Variants in PNPLA7 observed in about 807,000 individuals in gnomAD.
PNPLA7 encodes patatin-like phospholipase domain-containing protein 7.
Under a neutral mutation model 161.7 loss-of-function variants are expected in PNPLA7, and 153 were observed. The observed-to-expected ratio is 0.95, with a 90% CI of 0.83 to 1.08. The LOEUF (loss-of-function observed/expected upper bound fraction) is 1.08. PNPLA7 is among the 50% of genes least tolerant of loss of function. The pLI is 0.00. For missense variants in PNPLA7, 1,739 were observed against 1,856.6 expected, an observed-to-expected ratio of 0.94 and a Z score of 1.16; for synonymous variants, 809 against 782.1, an observed-to-expected ratio of 1.03 and a Z score of -0.57.
At chr9:137,489,582 C>T (rs925572098) in intron 20 of PNPLA7, among the ~76,000 whole-genome samples, 1 of 152,146 alleles carries the variant, frequency 6.6e-6, no homozygotes, top group Admixed American at 6.5e-5. Flanking sequence ...TTCTCCAGGA[C>T]GATAAAGCTG....
At chr9:137,501,315 C>T (rs993083823) in intron 15 of PNPLA7, among the ~76,000 whole-genome samples, 5 of 152,256 alleles carry the variant, frequency 3.3e-5, no homozygotes, top group African/African-American at 7.2e-5. Context: ...TTTGGTCCCA[C>T]ATCTGCAGAT....
chr9:137,524,732 C>T lies in PNPLA7; in HGVS notation c.748-1875G>A, dbSNP rs991037724. Among the ~76,000 whole-genome samples, 60 of 152,296 alleles carry T rather than the reference C, an allele frequency of 3.9e-4. No individual in the cohort carries two copies. Among genetic ancestry groups the T allele is most frequent in the African/African-American group, 1.2e-3 (49 of 41,566 alleles). On this transcript the variant is annotated intron_variant, in intron 8 of 34. Coordinates refer to ENST00000406427, the MANE Select transcript of PNPLA7 (RefSeq NM_001098537.3). This position sits in a 1 kb window ranked among gnomAD's most constrained non-coding sequence, Gnocchi z 4.4. ...CTGTGTTTTGCATTCTCACCAGCAG[C>T]GAACGAGTTTCCGTGGATGCCCCGT...
chr9:137,538,946 G>T (rs1836037069), intron 8 of PNPLA7, among the ~76,000 whole-genome samples: 1 of 152,214 alleles, frequency 6.6e-6, no homozygotes, highest in African/African-American at 2.4e-5. Flanking sequence ...CAGGTACTCA[G>T]GAGGCTGAGG....
At position 137,501,770 on chromosome 9, in the gene PNPLA7, A is replaced by G; in HGVS notation, c.1474-43T>C. On this transcript the variant is annotated intron_variant, in intron 14 of 34. Coordinates refer to ENST00000406427, the MANE Select transcript of PNPLA7 (RefSeq NM_001098537.3). ...TTCAGGGAACACGGGCGGGAAGCAT[A>G]AATGAAGGTCCAGAGAACAGAGGCT... 3.1e-6 allele frequency: 5 copies of G among 1,588,866 alleles called. No individual in the cohort carries two copies. In the South Asian group the frequency reaches 5.6e-5, roughly 18 times the overall value.
chr9:137,548,121 C>A (rs1836641223), intron 1 of PNPLA7, among the ~76,000 whole-genome samples: 1 of 152,220 alleles, frequency 6.6e-6, no homozygotes, highest in African/African-American at 2.4e-5. Flanking sequence ...GCTCTGTGTC[C>A]TGCAGTCTCC....
At chr9:137,514,595 C>T (rs1308347518) in intron 12 of PNPLA7, among the ~76,000 whole-genome samples, 2 of 142,344 alleles carry the variant, frequency 1.4e-5, no homozygotes, top group Non-Finnish European at 1.5e-5. Context: ...GGCGGGTCAC[C>T]CGGCTGTTGA....
intron 8 of PNPLA7, among the ~76,000 whole-genome samples, chr9:137,532,138 T>C (rs1169363428): frequency 6.6e-6 from 1 of 152,166 alleles, no homozygotes; most frequent in African/African-American, 2.4e-5. Context: ...CTATCTCCCA[T>C]TAAAAATGGT....
chr9:137,480,467 G>C lies in PNPLA7; in HGVS notation c.2425C>G (p.Arg809Gly). The C allele has an allele frequency of 2.5e-6, 4 of 1,611,518 alleles. No individual in the cohort carries two copies. The highest frequency in any genetic ancestry group is 3.4e-6 in the Non-Finnish European group (4 of 1,178,640). The change falls in exon 23 of 35, where the codon CGG becomes GGG. Residue 809 changes from arginine (R) to glycine (G), a missense_variant. By Grantham distance (125) the Arg-to-Gly change is moderately radical. Around this residue, in one of 6 missense-constraint regions of PNPLA7, gnomAD observed 192 missense variants for 249.5 expected, o/e 0.77. Coordinates refer to ENST00000406427, the MANE Select transcript of PNPLA7 (RefSeq NM_001098537.3). ...TGCTGCCCCAGCCAGCTGGACAGCC[G>C]GTACTCGTGAACACTGCAGCACGCA... ...SAALDSVHEYRLSSWLGQQED... is the reference protein window; with the variant it reads ...SAALDSVHEYGLSSWLGQQED...
At chr9:137,546,134 T>C (rs1836509830) in intron 4 of PNPLA7, among the ~76,000 whole-genome samples, 1 of 152,264 alleles carries the variant, frequency 6.6e-6, no homozygotes, top group South Asian at 2.1e-4. Context: ...AGTAGTCAAT[T>C]AGTGAAAGTA....
Position 137,464,036 on chromosome 9 carries a change from C to T in PNPLA7, c.3226+90G>A, listed in dbSNP as rs1462999336. Reference sequence around the variant, plus strand: ...TACGTCTGCATCCTTCAGGAGACCCCGCGGCCTTCCCAACCCCTGGGGCTG... The same window carrying T: ...TACGTCTGCATCCTTCAGGAGACCCTGCGGCCTTCCCAACCCCTGGGGCTG... On this transcript the variant is annotated intron_variant, in intron 28 of 34. Transcript: ENST00000406427. 54 of 1,400,996 alleles carry T rather than the reference C, an allele frequency of 3.9e-5. 1 individual carries two copies. The highest frequency in any genetic ancestry group is 4.6e-4 in the Middle Eastern group (2 of 4,302). 86.8% of individuals were successfully genotyped at this position (1,400,996 alleles called of 1,614,324 possible).
rs1836140711 is a variant in PNPLA7 at position 137,540,591 on chromosome 9, C to T, written c.747+51G>A. 6.6e-7 allele frequency: 1 copy of T among 1,518,026 alleles called. No homozygotes were observed. Among genetic ancestry groups the T allele is most frequent in the Non-Finnish European group, 9.0e-7 (1 of 1,115,490 alleles). The allele number at this position is 1,518,026 out of a possible 1,614,324, so 94.0% of individuals were successfully genotyped here. On this transcript the variant is annotated intron_variant, in intron 8 of 34. Coordinates refer to ENST00000406427, the MANE Select transcript of PNPLA7 (RefSeq NM_001098537.3). This position sits in a 1 kb window ranked among gnomAD's most constrained non-coding sequence, Gnocchi z 5.1. ...TCCAGACAAGACAGAAAAACCAGGC[C>T]TCCGGGGCCAACCCAGGGGCGCCCG...
At chr9:137,525,393 C>G (rs1186660250) in intron 8 of PNPLA7, among the ~76,000 whole-genome samples, 1 of 152,148 alleles carries the variant, frequency 6.6e-6, no homozygotes, top group Non-Finnish European at 1.5e-5. Context: ...CGGTAGTGGC[C>G]CCGAATGCCT....
rs760791000 is a variant in PNPLA7 at position 137,462,231 on chromosome 9, G to A, written c.3593C>T (p.Pro1198Leu). ...KSSDYCEYLRPPIDSYSTLDF... is the reference protein window; with the variant it reads ...KSSDYCEYLRLPIDSYSTLDF... The stretch of plus-strand genomic sequence containing the variant: ...CAGGGTGCTGTAGCTGTCGATGGGG[G>A]GGCGCAGGTACTCGCAGTAGTCACT... The change falls in exon 31 of 35, where the codon CCC (proline) becomes CTC (leucine). Residue 1198 changes from proline (P) to leucine (L), a missense_variant. Pro to Leu is a moderately conservative substitution (Grantham distance 98). Around this residue, in one of 6 missense-constraint regions of PNPLA7, gnomAD observed 703 missense variants for 694.6 expected, o/e 1.01. Transcript: ENST00000406427. The A allele has an allele frequency of 1.9e-6, 3 of 1,607,342 alleles. No homozygotes were observed. The highest frequency in any genetic ancestry group is 2.2e-5 in the East Asian group (1 of 44,748).
chr9:137,479,605 T>C (rs1202457045), intron 23 of PNPLA7: 3 of 985,258 alleles, frequency 3.0e-6, no homozygotes, highest in East Asian at 2.3e-4. Flanking sequence ...AGAGGAGGAA[T>C]TTTTAGCTGC....
In PNPLA7 at chr9:137,524,544, C is replaced by T. The variant is rs929135298; in HGVS notation, c.748-1687G>A. The stretch of plus-strand genomic sequence containing the variant: ...ATAAATATGCATCTCCCAGTGTTTG[C>T]GTGGACACAGTTCTCATCCCTCTTG... On this transcript the variant is annotated intron_variant, in intron 8 of 34. Transcript: ENST00000406427. This position sits in a 1 kb window ranked among gnomAD's most constrained non-coding sequence, Gnocchi z 4.4. Among the ~76,000 whole-genome samples the T allele has an allele frequency of 2.0e-5, 3 of 152,242 alleles. No individual in the cohort carries two copies. Among genetic ancestry groups the T allele is most frequent in the Admixed American group, 6.5e-5 (1 of 15,288 alleles).
At chr9:137,491,478 C>A (rs7043353) in intron 20 of PNPLA7, 985,399 of 985,410 alleles carry the variant, frequency 1, 492,694 homozygotes, top group Middle Eastern at 1. Flanking sequence ...CTCACGGTGC[C>A]GGTAAGTGGA....
Position 137,520,193 on chromosome 9 carries a change from A to C in PNPLA7, c.958-150T>G, listed in dbSNP as rs1588669573. The stretch of plus-strand genomic sequence containing the variant: ...AAGGTGTGACAGGTGTGGGACTCTC[A>C]AAGGTGTGACAGGTGTGGGCCTCTC... On this transcript the variant is annotated intron_variant, in intron 10 of 34. Coordinates refer to ENST00000406427, the MANE Select transcript of PNPLA7 (RefSeq NM_001098537.3). This position sits in a 1 kb window ranked among gnomAD's most constrained non-coding sequence, Gnocchi z 5.2. 8.4e-7 allele frequency: 1 copy of C among 1,189,846 alleles called. No individual in the cohort carries two copies. The highest frequency in any genetic ancestry group is 2.4e-5 in the East Asian group (1 of 41,846). 73.7% of individuals were successfully genotyped at this position (1,189,846 alleles called of 1,614,324 possible). A position where few individuals can be genotyped will look rare whatever the true frequency, so the allele number is the denominator to read the frequency against.
rs1836165651 is a variant in PNPLA7 at position 137,540,888 on chromosome 9, G to C, written c.667-166C>G. ...GGAGGGCAGGGGACAAGATGGACCTGCTGGCATCAGGGGTACAACACACAG... is the reference window on the plus strand; with the variant it reads ...GGAGGGCAGGGGACAAGATGGACCTCCTGGCATCAGGGGTACAACACACAG... On this transcript the variant is annotated intron_variant, in intron 7 of 34. Coordinates refer to ENST00000406427, the MANE Select transcript of PNPLA7 (RefSeq NM_001098537.3). This position sits in a 1 kb window ranked among gnomAD's most constrained non-coding sequence, Gnocchi z 5.1. 2 of 613,888 alleles carry C rather than the reference G, an allele frequency of 3.3e-6. 1 individual carries two copies. Among genetic ancestry groups the C allele is most frequent in the South Asian group, 3.6e-5 (2 of 56,050 alleles). The allele number at this position is 613,888 out of a possible 1,614,324, so 38.0% of individuals were successfully genotyped here.
chr9:137,518,919 C>A (rs548747116), intron 11 of PNPLA7, among the ~76,000 whole-genome samples: 5 of 136,464 alleles, frequency 3.7e-5, no homozygotes. Context: ...ACTCCATCCC[C>A]CACTCACTCA....
Sources: allele counts gnomAD v4.1 joint callset (sites outside exome capture counted in the v4.1 genomes callset), GRCh38; gene constraint gnomAD v4.1.1; regional missense constraint gnomAD v4.1.1; non-coding constraint Gnocchi (gnomAD v3.1); transcripts MANE v1.5; gene names NCBI Gene and HGNC (gene_info 2026-07-23, HGNC 2026-07-21).